SDK2: variants seen among roughly 807,000 people sequenced by gnomAD.
The protein encoded by SDK2 is sidekick cell adhesion molecule 2.
SDK2 carries 105 observed loss-of-function variants against 253.9 expected under a neutral mutation model. That is an observed-to-expected ratio of 0.41 (90% confidence interval 0.35 to 0.49). The LOEUF (loss-of-function observed/expected upper bound fraction) is 0.49, where lower values mean the gene tolerates loss of function less well. Ranked by LOEUF, SDK2 falls within the 20% of genes least tolerant of loss-of-function variation. SDK2 has a pLI of 0.06. For missense variants in SDK2, 2,608 were observed against 3,003.0 expected (o/e 0.87, Z 3.07); for synonymous variants, 1,249 against 1,234.9 (o/e 1.01, Z -0.24).
Position 73,466,713 on chromosome 17 carries a change from ACGC to A in SDK2, c.331+5396_331+5398del, listed in dbSNP as rs751731403. The stretch of plus-strand genomic sequence containing the variant: ...TGGATCATTTTGGAGGCTCTGGGGA[ACGC>A]CCCCCCCCCCCGGCTTAGGCTCTGC... On this transcript the variant is annotated intron_variant, in intron 3 of 44. Coordinates refer to ENST00000392650, the MANE Select transcript of SDK2 (RefSeq NM_001144952.2). 3.7e-5 allele frequency among the ~76,000 whole-genome samples: 3 copies of A among 81,904 alleles called. 1 individual carries two copies. The highest frequency in any genetic ancestry group is 1.4e-4 in the African/African-American group (2 of 14,652). 53.7% of individuals were successfully genotyped at this position (81,904 alleles called of 152,430 possible). A position where few individuals can be genotyped will look rare whatever the true frequency, so the allele number is the denominator to read the frequency against.
intron 17 of SDK2, among the ~76,000 whole-genome samples, chr17:73,415,149 C>T (rs1427669911): frequency 1.3e-5 from 2 of 152,134 alleles, no homozygotes; most frequent in Non-Finnish European, 2.9e-5. Flanking sequence ...TCCTCTTCCC[C>T]TCAGTCCTCC....
At chr17:73,550,541 G>A (rs1222997887) in intron 1 of SDK2, among the ~76,000 whole-genome samples, 1 of 152,054 alleles carries the variant, frequency 6.6e-6, no homozygotes, top group Admixed American at 6.6e-5. Context: ...CGGTGGAAGG[G>A]CAGGAGGGAC....
At chr17:73,527,906 G>A (rs140901877) in intron 1 of SDK2, among the ~76,000 whole-genome samples, 27 of 152,278 alleles carry the variant, frequency 1.8e-4, no homozygotes, top group African/African-American at 3.9e-4. Context: ...TGGTGCTGAC[G>A]ATGGGGGTGG....
At chr17:73,548,388 C>A (rs2045000350) in intron 1 of SDK2, among the ~76,000 whole-genome samples, 1 of 152,220 alleles carries the variant, frequency 6.6e-6, no homozygotes, top group Non-Finnish European at 1.5e-5. Context: ...ATCCCCCCTG[C>A]CCCCGAGTGG....
intron 1 of SDK2, among the ~76,000 whole-genome samples, chr17:73,567,636 G>T (rs1218312570): frequency 6.6e-6 from 1 of 152,270 alleles, no homozygotes; most frequent in East Asian, 1.9e-4. Context: ...AGCCAGAGGG[G>T]TGGAGCTGCC....
intron 1 of SDK2, among the ~76,000 whole-genome samples, chr17:73,579,791 A>C (rs2045508454): frequency 6.6e-6 from 1 of 152,140 alleles, no homozygotes; most frequent in South Asian, 2.1e-4. Context: ...AGCCTGGCCA[A>C]CATGGTGAAA....
intron 1 of SDK2, among the ~76,000 whole-genome samples, chr17:73,561,237 G>T (rs1206431608): frequency 6.6e-6 from 1 of 152,174 alleles, no homozygotes; most frequent in Non-Finnish European, 1.5e-5. Flanking sequence ...ACAATTACGG[G>T]GTTGGTAGGG....
At chr17:73,489,414 C>T (rs115798357) in intron 2 of SDK2, among the ~76,000 whole-genome samples, 18 of 152,126 alleles carry the variant, frequency 1.2e-4, no homozygotes, top group East Asian at 3.9e-4. Flanking sequence ...TTGGAGGTGG[C>T]GGGGTAAGTG....
Position 73,379,493 on chromosome 17 carries a change from C to T in SDK2, c.4819G>A (p.Glu1607Lys). 1 of 1,612,588 alleles carries T rather than the reference C, an allele frequency of 6.2e-7. No homozygotes were observed. Among genetic ancestry groups the T allele is most frequent in the Non-Finnish European group, 8.5e-7 (1 of 1,179,288 alleles). ...IRMSVYNAVG[E>K]GPSSPPQEVF... ...TCCTGCGGGGGGCTGGAGGGCCCCT[C>T]ACCCACAGCGTTGTACACGCTCATC... The change falls in exon 35 of 45, where the codon GAG (glutamate) becomes AAG (lysine). Residue 1607 changes from glutamate to lysine, a missense_variant. By Grantham distance (56) the Glu-to-Lys change is moderately conservative. This residue lies in a region of SDK2 where 1,103 missense variants were observed against 1,143.9 expected (regional missense o/e 0.96). Transcript: ENST00000392650. The surrounding 1 kb of genome is among the most constrained non-coding windows in gnomAD (Gnocchi z 4.5).
intron 33 of SDK2, among the ~76,000 whole-genome samples, chr17:73,382,422 T>C (rs1206606754): frequency 1.3e-5 from 2 of 152,162 alleles, no homozygotes; most frequent in Non-Finnish European, 2.9e-5. Context: ...AAATCTCTAG[T>C]GGTCTGAGTC....
At chr17:73,365,221 T>A in intron 38 of SDK2, 37 bp downstream of exon 38, 1 of 1,396,910 alleles carries the variant, frequency 7.2e-7, no homozygotes, top group Non-Finnish European at 9.6e-7. Flanking sequence ...TTTTGCAAAG[T>A]GGGGGGCTGG....
At chr17:73,489,447 G>T (rs1567802523) in intron 2 of SDK2, among the ~76,000 whole-genome samples, 1 of 152,174 alleles carries the variant, frequency 6.6e-6, no homozygotes. Flanking sequence ...TAACTTGGAG[G>T]GGGGTACCAG....
intron 1 of SDK2, among the ~76,000 whole-genome samples, chr17:73,617,596 G>A (rs939625810): frequency 2.0e-5 from 3 of 152,094 alleles, no homozygotes; most frequent in African/African-American, 4.8e-5. Context: ...GGGAGCTTAC[G>A]AAGGGGGCGT....
chr17:73,550,514 C>T (rs1007683375), intron 1 of SDK2, among the ~76,000 whole-genome samples: 4 of 151,922 alleles, frequency 2.6e-5, no homozygotes, highest in South Asian at 2.1e-4. Flanking sequence ...CCCTGGGTGG[C>T]GGGGGAGTCA....
At chr17:73,573,200 G>A (rs1329064218) in intron 1 of SDK2, among the ~76,000 whole-genome samples, 1 of 152,208 alleles carries the variant, frequency 6.6e-6, no homozygotes, top group East Asian at 1.9e-4. Context: ...CACACTCTGG[G>A]CCAGCAGGCG....
Position 73,601,347 on chromosome 17 carries a change from G to A in SDK2, c.64+42678C>T, listed in dbSNP as rs1000769586. Reference sequence around the variant, plus strand: ...ACGAATGATCTAAGTTTAAGCACATGGACCCTTTGAGGTGGCATGCTGGGT... The same window carrying A: ...ACGAATGATCTAAGTTTAAGCACATAGACCCTTTGAGGTGGCATGCTGGGT... On this transcript the variant is annotated intron_variant, in intron 1 of 44. Transcript: ENST00000392650. 5.9e-5 allele frequency among the ~76,000 whole-genome samples: 9 copies of A among 152,088 alleles called. No individual in the cohort carries two copies. In the East Asian group the frequency reaches 1.7e-3, roughly 29 times the overall value.
chr17:73,582,924 C>T (rs1190773074), intron 1 of SDK2, among the ~76,000 whole-genome samples: 1 of 152,162 alleles, frequency 6.6e-6, no homozygotes, highest in East Asian at 1.9e-4. Context: ...CTGAGACATT[C>T]TTCCCCGCTA....
intron 2 of SDK2, among the ~76,000 whole-genome samples, chr17:73,502,215 A>C (rs1385217003): frequency 6.6e-6 from 1 of 152,218 alleles, no homozygotes; most frequent in Non-Finnish European, 1.5e-5. Context: ...AATTTATGGC[A>C]GCACTTCTAA....
chr17:73,605,165 G>A (rs2045891174), intron 1 of SDK2, among the ~76,000 whole-genome samples: 1 of 152,330 alleles, frequency 6.6e-6, no homozygotes, highest in Admixed American at 6.5e-5. Flanking sequence ...GGGTGATGTG[G>A]GCAGGCAATG....
Sources: allele counts gnomAD v4.1 joint callset (sites outside exome capture counted in the v4.1 genomes callset), GRCh38; gene constraint gnomAD v4.1.1; regional missense constraint gnomAD v4.1.1; non-coding constraint Gnocchi (gnomAD v3.1); transcripts MANE v1.5; gene names NCBI Gene and HGNC (gene_info 2026-07-23, HGNC 2026-07-21).